NFATC1: variants seen among roughly 807,000 people sequenced by gnomAD.
NFATC1 encodes the protein nuclear factor of activated T-cells, cytoplasmic 1.
A neutral mutation model predicts 76.0 loss-of-function variants in NFATC1; 22 were observed. That is an observed-to-expected ratio of 0.29 (90% confidence interval 0.21 to 0.41). NFATC1 has a LOEUF of 0.41. Among genes scored for constraint, NFATC1 ranks in the 10% least tolerant of loss-of-function variants. The pLI, the probability that NFATC1 is intolerant of heterozygous loss-of-function variation, is 1.00. For synonymous variants in NFATC1, 704 were observed against 613.1 expected (o/e 1.15, Z -2.19); for missense variants, 1,357 against 1,337.7 (o/e 1.01, Z -0.23).
In NFATC1 at chr18:79,410,942, C is replaced by G. The variant is rs745948316; in HGVS notation, c.667C>G (p.Arg223Gly). The change falls in exon 2 of 10, where the codon CGC becomes GGC. Residue 223 changes from arginine (R) to glycine (G), a missense_variant. Arg to Gly is a moderately radical substitution (Grantham distance 125, BLOSUM62 -2). Transcript: ENST00000427363. The surrounding 1 kb of genome is among the most constrained non-coding windows in gnomAD (Gnocchi z 6.7). ...KTTDPEEGFPRGLGACTLLGS... is the reference protein window; with the variant it reads ...KTTDPEEGFPGGLGACTLLGS... ...CACGGACCCCGAGGAGGGCTTTCCC[C>G]GCGGGCTGGGGGCCTGCACACTGCT... The G allele has an allele frequency of 6.2e-7, 1 of 1,603,168 alleles. No homozygotes were observed. The highest frequency in any genetic ancestry group is 1.7e-5 in the Admixed American group (1 of 59,566).
At chr18:79,446,779 G>A (rs532542011) in intron 3 of NFATC1, among the ~76,000 whole-genome samples, 1 of 152,328 alleles carries the variant, frequency 6.6e-6, no homozygotes, top group Non-Finnish European at 1.5e-5. Context: ...TTTGGAGTGG[G>A]CTGCTGGTGG....
Position 79,411,399 on chromosome 18 carries a change from A to G in NFATC1, c.1124A>G (p.Gln375Arg). 1 of 1,572,274 alleles carries G rather than the reference A, an allele frequency of 6.4e-7. No individual in the cohort carries two copies. The change falls in exon 2 of 10, where the codon CAG becomes CGG. Residue 375 changes from glutamine (Q) to arginine (R), a missense_variant. Physicochemically the swap from Gln to Arg is conservative, Grantham distance 43. Around this residue, in one of 3 missense-constraint regions of NFATC1, gnomAD observed 691 missense variants for 613.1 expected, o/e 1.13. Coordinates refer to ENST00000427363, the MANE Select transcript of NFATC1 (RefSeq NM_001278669.2). ...GCGCCCGAAGACTACTCCTCTTTCC[A>G]GCACATCAGGAAGGGCGGCTTCTGC... is the stretch of plus-strand genomic sequence containing the variant. ...DFAPEDYSSF[Q>R]HIRKGGFCDQ...
chr18:79,416,615 G>A (rs1441090743), intron 2 of NFATC1, among the ~76,000 whole-genome samples: 2 of 152,222 alleles, frequency 1.3e-5, no homozygotes, highest in African/African-American at 4.8e-5. Flanking sequence ...CACCTCCTGG[G>A]AAGACGGATA....
chr18:79,520,775 G>A (rs1367879178), intron 9 of NFATC1, among the ~76,000 whole-genome samples: 1 of 74,902 alleles, frequency 1.3e-5, no homozygotes, highest in East Asian at 4.6e-4. Context: ...ATCCACTGAT[G>A]TGTGTGTGTG....
At position 79,486,352 on chromosome 18, in the gene NFATC1, C is replaced by T; in HGVS notation, c.2197C>T (p.Gln733Ter). The T allele has an allele frequency of 1.2e-6, 2 of 1,613,152 alleles. No homozygotes were observed. Among genetic ancestry groups the T allele is most frequent in the Non-Finnish European group, 1.7e-6 (2 of 1,180,014 alleles). The change falls in exon 9 of 10, where the codon CAG becomes TAG. Residue 733 changes from glutamine (Q) to a stop codon, truncating the protein, a stop_gained. Coordinates refer to ENST00000427363, the MANE Select transcript of NFATC1 (RefSeq NM_001278669.2). LOFTEE classifies it high-confidence loss of function. ...SPLPRPYYSQ[Q>*]LAMPPDPSSC... ...TCTCCCAAGACCATACTACAGCCAG[C>T]AGCTCGCGATGCCACCCGACCCCAG...
chr18:79,431,819 C>T (rs2086599254), intron 2 of NFATC1, among the ~76,000 whole-genome samples: 1 of 152,234 alleles, frequency 6.6e-6, no homozygotes, highest in South Asian at 2.1e-4. Flanking sequence ...TCTCCTCCCT[C>T]AGCCTCTCGA....
Position 79,410,007 on chromosome 18 carries a change from G to A in NFATC1, c.128-396G>A. The A allele has an allele frequency of 1.8e-6, 1 of 559,560 alleles. No homozygotes were observed. Among genetic ancestry groups the A allele is most frequent in the South Asian group, 1.4e-5 (1 of 70,834 alleles). 34.7% of individuals were successfully genotyped at this position (559,560 alleles called of 1,614,324 possible). On this transcript the variant is annotated intron_variant, in intron 1 of 9. Coordinates refer to ENST00000427363, the MANE Select transcript of NFATC1 (RefSeq NM_001278669.2). The surrounding 1 kb of genome is among the most constrained non-coding windows in gnomAD (Gnocchi z 6.7). Reference sequence around the variant, plus strand: ...GGAAGGTGGTTTTTGAATGAAGAGCGGAACCCGTGAGGACCCAGTCGCCTC... The same window carrying A: ...GGAAGGTGGTTTTTGAATGAAGAGCAGAACCCGTGAGGACCCAGTCGCCTC...
chr18:79,450,662 GTGGAGGC>G (rs759987818), intron 4 of NFATC1, among the ~76,000 whole-genome samples: 2 of 152,148 alleles, frequency 1.3e-5, no homozygotes, highest in Non-Finnish European at 2.9e-5. Context: ...GGGGTGGAGG[GTGGAGGC>G]TGGAGGCTGG....
chr18:79,492,007 G>A (rs1304679421), intron 9 of NFATC1, among the ~76,000 whole-genome samples: 1 of 152,238 alleles, frequency 6.6e-6, no homozygotes, highest in East Asian at 1.9e-4. Context: ...GCTGACGACG[G>A]CCTGCCCGTG....
At chr18:79,505,814 GCT>G (rs1450991467) in intron 9 of NFATC1, among the ~76,000 whole-genome samples, 45 of 148,332 alleles carry the variant, frequency 3.0e-4, no homozygotes, top group African/African-American at 1.1e-3. Context: ...AGGAGGTGGT[GCT>G]GGAGGCCCTT....
chr18:79,400,389 G>T (rs1337804306), intron 1 of NFATC1: 7 of 1,220,180 alleles, frequency 5.7e-6, no homozygotes, highest in Non-Finnish European at 6.7e-6. Flanking sequence ...GGCCCGACCC[G>T]CCATGACGGG....
intron 2 of NFATC1, among the ~76,000 whole-genome samples, chr18:79,415,156 CCAGA>C (rs1187301205): frequency 2.1e-4 from 32 of 152,256 alleles, no homozygotes; most frequent in African/African-American, 7.5e-4. Flanking sequence ...CTCTCCGCAC[CCAGA>C]CAGTCTCTGG....
intron 8 of NFATC1, among the ~76,000 whole-genome samples, chr18:79,475,547 T>C (rs1199314758): frequency 9.2e-6 from 1 of 108,454 alleles, no homozygotes; most frequent in Non-Finnish European, 1.9e-5. Flanking sequence ...TAAACCTGAG[T>C]GAAGTGTGTT....
intron 2 of NFATC1, among the ~76,000 whole-genome samples, chr18:79,418,818 A>C (rs537013776): frequency 6.6e-6 from 1 of 152,266 alleles, no homozygotes; most frequent in Admixed American, 6.5e-5. Flanking sequence ...CGGGGTTTGC[A>C]ACACCAGTTT....
chr18:79,458,974 GCCCTCA>G (rs1235740844), intron 6 of NFATC1, among the ~76,000 whole-genome samples: 4 of 152,252 alleles, frequency 2.6e-5, no homozygotes, highest in Non-Finnish European at 5.9e-5. Context: ...CAGAAAGCCT[GCCCTCA>G]CCCTCACCCT....
intron 9 of NFATC1, among the ~76,000 whole-genome samples, chr18:79,488,078 A>C (rs907083807): frequency 7.9e-6 from 1 of 126,478 alleles, no homozygotes; most frequent in African/African-American, 5.6e-5. Context: ...CTCCTGACCC[A>C]GGGGGGGCAG....
chr18:79,478,397 G>A (rs963762516), intron 8 of NFATC1, among the ~76,000 whole-genome samples: 4 of 152,082 alleles, frequency 2.6e-5, no homozygotes, highest in East Asian at 3.9e-4. Flanking sequence ...GATGTGGTCC[G>A]GGCCATTAAG....
rs2089669373 is a variant in NFATC1 at position 79,491,253 on chromosome 18, T to TG, written c.2782+4316_2782+4317insG. On this transcript the variant is annotated intron_variant, in intron 9 of 9. Coordinates refer to ENST00000427363, the MANE Select transcript of NFATC1 (RefSeq NM_001278669.2). The stretch of plus-strand genomic sequence containing the variant: ...AAAGCAGGCAAGCGTGACCTGGAGT[T>TG]CGGGGGCGGAGAAGAATAGGAAGCA... 3.2e-4 allele frequency among the ~76,000 whole-genome samples: 49 copies of TG among 151,962 alleles called. 2 individuals are homozygous for TG.
chr18:79,425,518 C>T (rs1197445298), intron 2 of NFATC1, among the ~76,000 whole-genome samples: 1 of 152,250 alleles, frequency 6.6e-6, no homozygotes, highest in Admixed American at 6.5e-5. Flanking sequence ...TCACGGTTTT[C>T]ACCTAAGCAA....
Sources: allele counts gnomAD v4.1 joint callset (sites outside exome capture counted in the v4.1 genomes callset), GRCh38; gene constraint gnomAD v4.1.1; regional missense constraint gnomAD v4.1.1; non-coding constraint Gnocchi (gnomAD v3.1); transcripts MANE v1.5; gene names NCBI Gene and HGNC (gene_info 2026-07-23, HGNC 2026-07-21).